Variants in ARID2 observed in about 807,000 individuals in gnomAD.
ARID2 encodes AT-rich interactive domain-containing protein 2.
ARID2 carries 32 observed loss-of-function variants against 184.6 expected under a neutral mutation model. That is an observed-to-expected ratio of 0.17 (90% CI 0.13 to 0.23). ARID2 has a LOEUF of 0.23. ARID2 is among the 10% of genes least tolerant of loss of function. The probability of loss-of-function intolerance (pLI) is 1.00; values close to 1 mark genes in which losing one functional copy is unlikely to be tolerated. For synonymous variants in ARID2, 836 were observed against 772.6 expected, an observed-to-expected ratio of 1.08 and a Z score of -1.36; for missense variants, 1,696 against 2,197.6, an observed-to-expected ratio of 0.77 and a Z score of 4.56.
At chr12:45,730,485 G>T (rs1280392257) in intron 2 of ARID2, among the ~76,000 whole-genome samples, 1 of 151,094 alleles carries the variant, frequency 6.6e-6, no homozygotes, top group East Asian at 1.9e-4. Flanking sequence ...CGCGCCGCCC[G>T]CCCGCTCGCT....
chr12:45,891,186 T>C (rs2138230721), intron 16 of ARID2, among the ~76,000 whole-genome samples: 1 of 152,086 alleles, frequency 6.6e-6, no homozygotes, highest in South Asian at 2.1e-4. Context: ...AAAAATTGAT[T>C]GCACAAATAT....
intron 3 of ARID2, among the ~76,000 whole-genome samples, chr12:45,810,982 G>A (rs1489949061): frequency 6.6e-6 from 1 of 152,098 alleles, no homozygotes; most frequent in Middle Eastern, 3.2e-3. Flanking sequence ...GGCCGAGGTG[G>A]GTGGGTCACG....
chr12:45,843,466 A>T (rs957695135), intron 11 of ARID2, among the ~76,000 whole-genome samples: 2 of 151,702 alleles, frequency 1.3e-5, no homozygotes, highest in African/African-American at 4.8e-5. Context: ...CCTGGGCTCA[A>T]GACTATCCTC....
intron 15 of ARID2, among the ~76,000 whole-genome samples, chr12:45,859,650 T>C (rs541177179): frequency 3.0e-4 from 45 of 152,316 alleles, no homozygotes; most frequent in African/African-American, 9.4e-4. Context: ...TTTTGATTAT[T>C]AGTGTTTTTT....
intron 3 of ARID2, among the ~76,000 whole-genome samples, chr12:45,778,252 C>A (rs529038744): frequency 5.3e-5 from 8 of 152,068 alleles, no homozygotes; most frequent in Non-Finnish European, 8.8e-5. Context: ...GTTCCCCCCC[C>A]AACCCGCAAG....
chr12:45,800,484 A>G (rs1318855587), intron 3 of ARID2, among the ~76,000 whole-genome samples: 2 of 150,362 alleles, frequency 1.3e-5, no homozygotes, highest in Non-Finnish European at 2.9e-5. Flanking sequence ...AGATGTTGCT[A>G]TGATTTTATC....
chr12:45,749,397 G>A (rs896276703), intron 3 of ARID2, among the ~76,000 whole-genome samples: 2 of 152,150 alleles, frequency 1.3e-5, no homozygotes, highest in Non-Finnish European at 2.9e-5. Context: ...AGGCTTTGTT[G>A]TTTCATTTAT....
chr12:45,902,371 C>T (rs951744380), intron 20 of ARID2, among the ~76,000 whole-genome samples: 1 of 152,068 alleles, frequency 6.6e-6, no homozygotes, highest in African/African-American at 2.4e-5. Context: ...TTTATCCATG[C>T]AATATTCAAA....
chr12:45,895,197 TC>T (rs1365826767), intron 20 of ARID2, among the ~76,000 whole-genome samples: 1 of 152,228 alleles, frequency 6.6e-6, no homozygotes, highest in Non-Finnish European at 1.5e-5. Flanking sequence ...TGCAGAGACT[TC>T]CTCTGATTAA....
intron 3 of ARID2, among the ~76,000 whole-genome samples, chr12:45,746,016 C>T (rs1381176558): frequency 6.7e-6 from 1 of 150,002 alleles, no homozygotes; most frequent in Admixed American, 6.6e-5. Flanking sequence ...ACCAAGGATA[C>T]TCATTTAAAG....
chr12:45,766,943 G>C (rs1302555039), intron 3 of ARID2, among the ~76,000 whole-genome samples: 3 of 151,164 alleles, frequency 2.0e-5, no homozygotes, highest in Non-Finnish European at 4.4e-5. Context: ...ACTCCAGCCT[G>C]GGCAACAAGA....
chr12:45,876,936 A>C (rs867202051), intron 16 of ARID2, among the ~76,000 whole-genome samples: 5 of 151,686 alleles, frequency 3.3e-5, no homozygotes, highest in African/African-American at 1.2e-4. Flanking sequence ...AAAAAAATAC[A>C]AAAAAATTAA....
intron 3 of ARID2, among the ~76,000 whole-genome samples, chr12:45,774,851 A>T (rs1941944844): frequency 6.6e-6 from 1 of 152,134 alleles, no homozygotes; most frequent in Non-Finnish European, 1.5e-5. Context: ...ATTTGTAAAC[A>T]TTTTCAATTT....
At chr12:45,824,442 G>T (rs565376632) in intron 6 of ARID2, among the ~76,000 whole-genome samples, 4 of 151,826 alleles carry the variant, frequency 2.6e-5, no homozygotes, top group African/African-American at 9.7e-5. Context: ...TCAAGCAAGA[G>T]AAAGGAATAA....
intron 3 of ARID2, among the ~76,000 whole-genome samples, chr12:45,783,134 CA>C (rs1002906670): frequency 1.0e-4 from 12 of 119,394 alleles, no homozygotes; most frequent in Middle Eastern, 4.3e-3. Context: ...ACTCTGTCTC[CA>C]AAAAAAAAAG....
At chr12:45,869,416 T>C (rs959722807) in intron 16 of ARID2, among the ~76,000 whole-genome samples, 2 of 152,210 alleles carry the variant, frequency 1.3e-5, no homozygotes, top group Non-Finnish European at 2.9e-5. Context: ...GTTATTACTT[T>C]TTTTTTTCCA....
chr12:45,878,401 C>T (rs1420402641), intron 16 of ARID2, among the ~76,000 whole-genome samples: 1 of 152,104 alleles, frequency 6.6e-6, no homozygotes, highest in Non-Finnish European at 1.5e-5. Flanking sequence ...CTTGAATATT[C>T]TGTTTGTTTC....
intron 5 of ARID2, among the ~76,000 whole-genome samples, chr12:45,820,353 A>G (rs1942877361): frequency 6.6e-6 from 1 of 152,136 alleles, no homozygotes; most frequent in South Asian, 2.1e-4. Context: ...TAGCCAGAGT[A>G]CTTTACAAAC....
chr12:45,837,731 T>A (rs1943246853), intron 10 of ARID2, 24 bp downstream of exon 10: 2 of 1,596,874 alleles, frequency 1.3e-6, no homozygotes, highest in South Asian at 1.1e-5. Flanking sequence ...AAAAAACACT[T>A]ATTTTCTTTA....
Sources: gnomAD v4.1 joint callset for allele counts (sites outside exome capture counted in the v4.1 genomes callset) on GRCh38, gnomAD v4.1.1 for gene constraint, MANE v1.5 for transcripts, NCBI Gene and HGNC (gene_info 2026-07-23, HGNC 2026-07-21) for gene names.